Variants in HIVEP2 observed in about 807,000 individuals in gnomAD.
HIVEP2 encodes the protein transcription factor HIVEP2.
In HIVEP2, 14 loss-of-function variants were observed where a neutral mutation model predicts 180.7. That is an observed-to-expected ratio of 0.08 (90% CI 0.05 to 0.12). The LOEUF is 0.12. HIVEP2 is among the 10% of genes least tolerant of loss of function. The pLI, the probability that HIVEP2 is intolerant of heterozygous loss-of-function variation, is 1.00. For synonymous variants in HIVEP2, 1,184 were observed against 1,136.4 expected (o/e 1.04, Z -0.84); for missense variants, 2,579 against 3,008.5 (o/e 0.86, Z 3.34).
intron 1 of HIVEP2, among the ~76,000 whole-genome samples, chr6:142,911,955 G>C (rs979490170): frequency 1.3e-5 from 2 of 152,176 alleles, no homozygotes; most frequent in Non-Finnish European, 2.9e-5. Flanking sequence ...TATGGCTAAT[G>C]ATACTGAAAA....
chr6:142,786,325 C>A (rs1272810417), intron 2 of HIVEP2, among the ~76,000 whole-genome samples: 1 of 152,046 alleles, frequency 6.6e-6, no homozygotes, highest in East Asian at 1.9e-4. Context: ...GGCAATGAAA[C>A]CTTAATATTT....
At chr6:142,932,201 T>A (rs1777955953) in intron 1 of HIVEP2, among the ~76,000 whole-genome samples, 1 of 152,226 alleles carries the variant, frequency 6.6e-6, no homozygotes, top group South Asian at 2.1e-4. Flanking sequence ...CTTTATATTT[T>A]ATGTTCTACT....
chr6:142,880,696 T>C (rs747276164), intron 1 of HIVEP2, among the ~76,000 whole-genome samples: 2 of 152,178 alleles, frequency 1.3e-5, no homozygotes, highest in Non-Finnish European at 2.9e-5. Context: ...CCATTTGGCC[T>C]GCGTGGCTCA....
intron 7 of HIVEP2, 34 bp from the exon 8 acceptor site, chr6:142,761,599 A>C: frequency 8.5e-7 from 1 of 1,182,866 alleles, no homozygotes; most frequent in Non-Finnish European, 1.3e-6. Context: ...AGAGAAATTA[A>C]TTGGTTATCA....
intron 1 of HIVEP2, among the ~76,000 whole-genome samples, chr6:142,850,090 C>T (rs905996677): frequency 6.6e-6 from 1 of 152,006 alleles, no homozygotes; most frequent in Non-Finnish European, 1.5e-5. Context: ...AGCAGGTGGT[C>T]GAAACTGTGA....
At chr6:142,777,193 G>C (rs1258439727) in intron 3 of HIVEP2, among the ~76,000 whole-genome samples, 1 of 152,140 alleles carries the variant, frequency 6.6e-6, no homozygotes, top group African/African-American at 2.4e-5. Flanking sequence ...AGGTGTACTT[G>C]CACAAGCGCA....
At chr6:142,812,181 C>T (rs13212843) in intron 2 of HIVEP2, among the ~76,000 whole-genome samples, 8 of 152,210 alleles carry the variant, frequency 5.3e-5, no homozygotes, top group African/African-American at 1.7e-4. Context: ...AGCACTACAC[C>T]GAGCGAAATC....
chr6:142,804,858 A>G lies in HIVEP2; in HGVS notation c.-527-21243T>C, dbSNP rs1776507995. Reference sequence around the variant, plus strand: ...ACCTCACCTTGGAGAAAGGCTTAAAAAAAATCCCACAGGAAAAGTGCTAGA... The same window carrying G: ...ACCTCACCTTGGAGAAAGGCTTAAAGAAAATCCCACAGGAAAAGTGCTAGA... On this transcript the variant is annotated intron_variant, in intron 2 of 9. Coordinates refer to ENST00000367603, the MANE Select transcript of HIVEP2 (RefSeq NM_006734.4). Among the ~76,000 whole-genome samples the G allele has an allele frequency of 1.3e-5, 2 of 152,146 alleles. 1 individual carries two copies. Among genetic ancestry groups the G allele is most frequent in the Non-Finnish European group, 2.9e-5 (2 of 68,006 alleles).
At chr6:142,931,916 T>C (rs1323830538) in intron 1 of HIVEP2, among the ~76,000 whole-genome samples, 2 of 152,190 alleles carry the variant, frequency 1.3e-5, no homozygotes, top group African/African-American at 4.8e-5. Context: ...CTCACCAACA[T>C]TTACTTAATA....
intron 1 of HIVEP2, among the ~76,000 whole-genome samples, chr6:142,845,965 G>A (rs1023062244): frequency 3.3e-5 from 5 of 152,358 alleles, no homozygotes; most frequent in African/African-American, 9.6e-5. Flanking sequence ...GCCGCAGGAC[G>A]ATCACTAGGA....
At chr6:142,873,862 G>C (rs941464776) in intron 1 of HIVEP2, among the ~76,000 whole-genome samples, 1 of 152,050 alleles carries the variant, frequency 6.6e-6, no homozygotes, top group Non-Finnish European at 1.5e-5. Context: ...AATTATCTAA[G>C]GAATGAGCAA....
Position 142,753,224 on chromosome 6 carries a change from C to T in HIVEP2, c.7224G>A (p.Thr2408=), listed in dbSNP as rs778045434. The T allele has an allele frequency of 2.8e-5, 45 of 1,613,984 alleles. No homozygotes were observed. The South Asian group carries it at 4.5e-4, about 16-fold the overall frequency. ...GTSQTPLAHS[T]FYSKSCVDDK... Reference sequence around the variant, plus strand: ...CATCCACACAACTCTTGCTGTAAAACGTGGAGTGAGCTAATGGAGTCTGTG... The same window carrying T: ...CATCCACACAACTCTTGCTGTAAAATGTGGAGTGAGCTAATGGAGTCTGTG... Residue 2408 remains threonine, a synonymous_variant, in exon 10 of 10, where the codon ACG becomes ACA. Transcript: ENST00000367603.
intron 1 of HIVEP2, among the ~76,000 whole-genome samples, chr6:142,931,162 G>C (rs772939858): frequency 4.7e-4 from 71 of 152,032 alleles, no homozygotes; most frequent in Non-Finnish European, 8.7e-4. Context: ...AAAATTAAGA[G>C]AGTTTTCTCA....
chr6:142,773,415 T>C lies in HIVEP2; in HGVS notation c.1324A>G (p.Thr442Ala), dbSNP rs1775608785. The change falls in exon 5 of 10, where the codon ACC becomes GCC. Residue 442 changes from threonine (T) to alanine (A), a missense_variant. By Grantham distance (58) the Thr-to-Ala change is moderately conservative. Around this residue, in one of 11 missense-constraint regions of HIVEP2, gnomAD observed 524 missense variants for 563.6 expected, o/e 0.93. Transcript: ENST00000367603. Reference protein sequence around the residue: ...LSPRNALSVTTTSQERAAMGR... With the variant: ...LSPRNALSVTATSQERAAMGR... ...ATTGCGGCACGCTCCTGACTTGTGG[T>C]TGTAACACTGAGTGCATTTCTCGGA... 1 of 1,614,222 alleles carries C rather than the reference T, an allele frequency of 6.2e-7. No homozygotes were observed. Among genetic ancestry groups the C allele is most frequent in the Non-Finnish European group, 8.5e-7 (1 of 1,180,042 alleles).
At chr6:142,851,851 G>A (rs1445594483) in intron 1 of HIVEP2, among the ~76,000 whole-genome samples, 1 of 152,172 alleles carries the variant, frequency 6.6e-6, no homozygotes, top group African/African-American at 2.4e-5. Flanking sequence ...ATTTGAGCTG[G>A]TATGACAGAA....
At chr6:142,926,120 C>G (rs1582971061) in intron 1 of HIVEP2, among the ~76,000 whole-genome samples, 1 of 152,188 alleles carries the variant, frequency 6.6e-6, no homozygotes, top group Non-Finnish European at 1.5e-5. Flanking sequence ...ATGATTCATG[C>G]AAATTTAAAC....
At chr6:142,927,802 T>C (rs1175657256) in intron 1 of HIVEP2, among the ~76,000 whole-genome samples, 4 of 152,228 alleles carry the variant, frequency 2.6e-5, no homozygotes, top group Non-Finnish European at 5.9e-5. Context: ...AACCAGATTA[T>C]AACAATGTGT....
In HIVEP2 at chr6:142,760,156, G is replaced by A. The variant is rs760435842; in HGVS notation, c.6132C>T (p.His2044=). The A allele has an allele frequency of 1.9e-6, 3 of 1,614,166 alleles. No homozygotes were observed. Among genetic ancestry groups the A allele is most frequent in the East Asian group, 4.5e-5 (2 of 44,876 alleles). ...SSPRDFSPSS[H]HSSPGYDSSP... is the part of the protein sequence containing the mutation. Reference sequence around the variant, plus strand: ...AAGAATCATATCCTGGAGAGGAATGGTGGCTTGAGGGTGAGAAGTCCCTGG... The same window carrying A: ...AAGAATCATATCCTGGAGAGGAATGATGGCTTGAGGGTGAGAAGTCCCTGG... Residue 2044 remains histidine, a synonymous_variant, in exon 9 of 10, where the codon CAC becomes CAT. Coordinates refer to ENST00000367603, the MANE Select transcript of HIVEP2 (RefSeq NM_006734.4).
At chr6:142,881,873 T>C (rs887400814) in intron 1 of HIVEP2, among the ~76,000 whole-genome samples, 1 of 152,196 alleles carries the variant, frequency 6.6e-6, no homozygotes. Flanking sequence ...CATCTTGTTA[T>C]AGAAATCTGA....
Sources: gnomAD v4.1 joint callset for allele counts (sites outside exome capture counted in the v4.1 genomes callset) on GRCh38, gnomAD v4.1.1 for gene constraint, gnomAD v4.1.1 regional missense constraint, MANE v1.5 for transcripts, NCBI Gene and HGNC (gene_info 2026-07-23, HGNC 2026-07-21) for gene names.